The following GALNT13 variants were observed in gnomAD, a reference collection of about 807,000 sequenced individuals.
GALNT13 encodes the protein polypeptide N-acetylgalactosaminyltransferase 13, also known as UDP-GalNAc:polypeptide N-acetylgalactosaminyltransferase 13.
GALNT13 carries 28 observed loss-of-function variants against 64.2 expected under a neutral mutation model. That is an observed-to-expected ratio of 0.44 (90% CI 0.32 to 0.60). GALNT13 has a LOEUF of 0.60. GALNT13 is among the 20% of genes least tolerant of loss of function. The pLI, the probability that GALNT13 is intolerant of heterozygous loss-of-function variation, is 0.05. For missense variants in GALNT13, 577 were observed against 669.8 expected (o/e 0.86, Z 1.53); for synonymous variants, 214 against 224.6 (o/e 0.95, Z 0.42).
chr2:153,815,672 A>G, the GALNT13 span, among the ~76,000 whole-genome samples: 1 of 152,212 alleles, frequency 6.6e-6, no homozygotes, highest in Non-Finnish European at 1.5e-5. Context: ...ATGTCTTACA[A>G]TAAGAGTTTT....
At chr2:153,263,044 A>T in the GALNT13 span, among the ~76,000 whole-genome samples, 1 of 151,928 alleles carries the variant, frequency 6.6e-6, no homozygotes, top group Non-Finnish European at 1.5e-5. Flanking sequence ...TATCTAGAAA[A>T]CTCCATCATC....
chr2:154,225,775 A>G (rs1688586285), intron 4 of GALNT13, among the ~76,000 whole-genome samples: 1 of 152,100 alleles, frequency 6.6e-6, no homozygotes, highest in African/African-American at 2.4e-5. Flanking sequence ...TCAACAAAGT[A>G]TGAACAGCTG....
intron 3 of GALNT13, among the ~76,000 whole-genome samples, chr2:154,001,411 T>C (rs185581087): frequency 1.9e-4 from 29 of 152,026 alleles, no homozygotes; most frequent in African/African-American, 6.5e-4. Context: ...CTTGATTCTG[T>C]ATTATTTTTA....
chr2:153,740,461 A>G, the GALNT13 span, among the ~76,000 whole-genome samples: 3 of 152,044 alleles, frequency 2.0e-5, no homozygotes, highest in African/African-American at 7.2e-5. Flanking sequence ...TTACTTTTTC[A>G]TTAATTGCAA....
chr2:153,917,150 A>T (rs1689412456), intron 2 of GALNT13, among the ~76,000 whole-genome samples: 1 of 151,960 alleles, frequency 6.6e-6, no homozygotes, highest in Admixed American at 6.6e-5. Context: ...CCTAACACAG[A>T]TTCTTTTGCC....
At chr2:153,092,148 A>C in the GALNT13 span, among the ~76,000 whole-genome samples, 1 of 151,734 alleles carries the variant, frequency 6.6e-6, no homozygotes, top group East Asian at 1.9e-4. Context: ...AAATGAGTTC[A>C]CTCTAGGTGT....
chr2:154,304,014 G>A (rs1267812839), intron 9 of GALNT13, among the ~76,000 whole-genome samples: 1 of 151,990 alleles, frequency 6.6e-6, no homozygotes, highest in African/African-American at 2.4e-5. Flanking sequence ...TCAGCCTCGC[G>A]GAGTGCTGTG....
At chr2:154,091,706 A>T (rs1261218206) in intron 3 of GALNT13, among the ~76,000 whole-genome samples, 1 of 151,928 alleles carries the variant, frequency 6.6e-6, no homozygotes, top group African/African-American at 2.4e-5. Context: ...CATTTATAAA[A>T]ATGTTAGTAA....
the GALNT13 span, among the ~76,000 whole-genome samples, chr2:153,648,135 A>G: frequency 6.6e-6 from 1 of 152,010 alleles, no homozygotes; most frequent in African/African-American, 2.4e-5. Flanking sequence ...GTCCTCTTTT[A>G]TTTCATTGAG....
At chr2:153,520,449 G>A in the GALNT13 span, among the ~76,000 whole-genome samples, 2 of 152,114 alleles carry the variant, frequency 1.3e-5, no homozygotes, top group Admixed American at 6.6e-5. Context: ...TTTATGAATT[G>A]TTGGCTTCAT....
chr2:154,210,254 G>A (rs1442513414), intron 4 of GALNT13, among the ~76,000 whole-genome samples: 2 of 152,038 alleles, frequency 1.3e-5, no homozygotes, highest in Admixed American at 6.6e-5. Context: ...CACTTTGTTC[G>A]ATATCATATA....
the GALNT13 span, among the ~76,000 whole-genome samples, chr2:153,347,179 G>A: frequency 1.3e-5 from 2 of 152,192 alleles, no homozygotes; most frequent in East Asian, 1.9e-4. Flanking sequence ...GGGCATAAAA[G>A]CCCAACCTGG....
intron 3 of GALNT13, among the ~76,000 whole-genome samples, chr2:154,050,187 T>C (rs759987331): frequency 2.0e-5 from 3 of 152,202 alleles, no homozygotes; most frequent in Non-Finnish European, 2.9e-5. Flanking sequence ...TAAGCCTTTG[T>C]ATAATTTTTT....
At chr2:153,478,293 G>A in the GALNT13 span, 1 of 1,613,954 alleles carries the variant, frequency 6.2e-7, no homozygotes, top group East Asian at 2.2e-5. Context: ...GGTCCTTCAC[G>A]AGGAAGTTGA....
the GALNT13 span, among the ~76,000 whole-genome samples, chr2:153,250,470 T>C: frequency 9.2e-5 from 14 of 152,236 alleles, no homozygotes; most frequent in Non-Finnish European, 1.6e-4. Flanking sequence ...GAAGACAGTA[T>C]GGTGATTCCT....
intron 4 of GALNT13, among the ~76,000 whole-genome samples, chr2:154,193,541 C>G (rs761762313): frequency 6.6e-6 from 1 of 152,204 alleles, no homozygotes; most frequent in Non-Finnish European, 1.5e-5. Flanking sequence ...TCTCCAGCAG[C>G]CTGATTACCT....
the GALNT13 span, among the ~76,000 whole-genome samples, chr2:153,708,775 A>G: frequency 1.3e-5 from 2 of 152,154 alleles, no homozygotes; most frequent in African/African-American, 4.8e-5. Context: ...ACAGCATGGT[A>G]CTGCTGTTTT....
the GALNT13 span, among the ~76,000 whole-genome samples, chr2:153,094,192 G>T: frequency 2.0e-5 from 3 of 151,426 alleles, no homozygotes; most frequent in South Asian, 6.3e-4. Context: ...ATTTGGGTTT[G>T]GTTTTCCCTT....
chr2:153,418,481 G>C, the GALNT13 span, among the ~76,000 whole-genome samples: 4 of 152,292 alleles, frequency 2.6e-5, no homozygotes, highest in African/African-American at 9.6e-5. Context: ...ATAGATAAGA[G>C]AGTGTCATGT....
Sources: allele counts gnomAD v4.1 joint callset (sites outside exome capture counted in the v4.1 genomes callset), GRCh38; gene constraint gnomAD v4.1.1; transcripts MANE v1.5; gene names NCBI Gene and HGNC (gene_info 2026-07-23, HGNC 2026-07-21).